The following SLC25A26 variants were observed in gnomAD, a reference collection of about 807,000 sequenced individuals.
SLC25A26 encodes the protein solute carrier family 25 member 26, also known as mitochondrial S-adenosylmethionine carrier protein.
SLC25A26 carries 36 observed loss-of-function variants against 37.8 expected under a neutral mutation model. The observed-to-expected ratio is 0.95, with a 90% CI of 0.73 to 1.26. The LOEUF (loss-of-function observed/expected upper bound fraction) is 1.26. Ranked by LOEUF, SLC25A26 falls within the 50% of genes most tolerant of loss-of-function variation. SLC25A26 has a pLI of 0.00. For missense variants in SLC25A26, 390 were observed against 331.1 expected (o/e 1.18, Z -1.38); for synonymous variants, 129 against 122.5 (o/e 1.05, Z -0.35).
intron 5 of SLC25A26, among the ~76,000 whole-genome samples, chr3:66,345,524 T>C (rs2076300564): frequency 1.4e-5 from 2 of 144,558 alleles, no homozygotes; most frequent in South Asian, 4.9e-4. Context: ...CCTGCTTTCT[T>C]TCCCCTCCTT....
At chr3:66,264,946 A>G (rs1366632096) in intron 5 of SLC25A26, among the ~76,000 whole-genome samples, 1 of 152,090 alleles carries the variant, frequency 6.6e-6, no homozygotes, top group East Asian at 1.9e-4. Flanking sequence ...CACATGGGAA[A>G]TTTTCTTTTG....
rs542920150 is a variant in SLC25A26, at chr3:66,243,270, G to A, written c.258G>A (p.Leu86=). The change falls in exon 3 of 10, where the codon TTG becomes TTA. Residue 86 remains leucine, a synonymous_variant. Coordinates refer to ENST00000354883, the MANE Select transcript of SLC25A26 (RefSeq NM_001379210.1). The part of the protein sequence containing the change: ...WFLHADSSSY[L]TPMKHMLAAS... The stretch of plus-strand genomic sequence containing the variant: ...TGCATGCTGATTCATCTTCATATTT[G>A]ACACCTATGAAACATATGTTGGCTG... 4 of 1,609,190 alleles carry A rather than the reference G, an allele frequency of 2.5e-6. No individual in the cohort carries two copies. Among genetic ancestry groups the A allele is most frequent in the African/African-American group, 2.7e-5 (2 of 74,972 alleles).
intron 6 of SLC25A26, among the ~76,000 whole-genome samples, chr3:66,351,559 T>C (rs1316659250): frequency 6.6e-6 from 1 of 152,114 alleles, no homozygotes; most frequent in Non-Finnish European, 1.5e-5. Flanking sequence ...CTTGCATGTT[T>C]ATAGCTCCAT....
intron 1 of SLC25A26, among the ~76,000 whole-genome samples, chr3:66,209,611 T>C (rs1430903951): frequency 7.4e-5 from 9 of 122,330 alleles, no homozygotes; most frequent in African/African-American, 1.1e-4. Context: ...GGTATATATA[T>C]ACACACCTAT....
At chr3:66,332,997 T>A (rs2076012423) in intron 5 of SLC25A26, among the ~76,000 whole-genome samples, 2 of 152,304 alleles carry the variant, frequency 1.3e-5, no homozygotes, top group East Asian at 3.9e-4. Flanking sequence ...TACTTTTCTC[T>A]TAGTATTTTG....
chr3:66,203,872 A>G (rs887588227), intron 1 of SLC25A26, among the ~76,000 whole-genome samples: 2 of 152,110 alleles, frequency 1.3e-5, no homozygotes, highest in South Asian at 4.1e-4. Flanking sequence ...TTATGTTTCT[A>G]CCTCCCTCAT....
At chr3:66,307,729 T>C (rs1239261299) in intron 5 of SLC25A26, among the ~76,000 whole-genome samples, 2 of 152,236 alleles carry the variant, frequency 1.3e-5, no homozygotes, top group African/African-American at 4.8e-5. Flanking sequence ...GCTAGCCAGT[T>C]TTCCCAACAC....
intron 1 of SLC25A26, among the ~76,000 whole-genome samples, chr3:66,181,111 T>C (rs1371681157): frequency 6.6e-6 from 1 of 152,236 alleles, no homozygotes; most frequent in African/African-American, 2.4e-5. Context: ...ATTTCTGTTC[T>C]TTAAGCTGCT....
chr3:66,360,897 AT>A (rs2076691678), intron 6 of SLC25A26, among the ~76,000 whole-genome samples: 1 of 152,230 alleles, frequency 6.6e-6, no homozygotes, highest in Non-Finnish European at 1.5e-5. Flanking sequence ...GGAATTGATA[AT>A]CAGATTGCAA....
chr3:66,156,311 C>G (rs1249931952), intron 1 of SLC25A26, among the ~76,000 whole-genome samples: 1 of 152,192 alleles, frequency 6.6e-6, no homozygotes, highest in Non-Finnish European at 1.5e-5. Context: ...GACAAGGATC[C>G]TGCCCTCCTG....
At chr3:66,150,369 G>A (rs2070181314) in intron 1 of SLC25A26, among the ~76,000 whole-genome samples, 2 of 150,226 alleles carry the variant, frequency 1.3e-5, no homozygotes, top group South Asian at 2.1e-4. Flanking sequence ...ATGCTGGTGG[G>A]CACCTGTAAT....
At chr3:66,141,243 C>T (rs2070029342) in intron 1 of SLC25A26, among the ~76,000 whole-genome samples, 1 of 151,202 alleles carries the variant, frequency 6.6e-6, no homozygotes, top group East Asian at 1.9e-4. Flanking sequence ...ATTACATGTA[C>T]ATCTTCAATA....
At position 66,273,737 on chromosome 3, in the gene SLC25A26, A is replaced by G. The variant is rs138514911; in HGVS notation, c.453+10358A>G. 3.2e-3 allele frequency among the ~76,000 whole-genome samples: 487 copies of G among 152,310 alleles called. 3 individuals carry two copies. The highest frequency in any genetic ancestry group is 0.017 in the East Asian group (87 of 5,188). The stretch of plus-strand genomic sequence containing the variant: ...AAGGAGAACTACAAAGCACTGCTCA[A>G]TGAAATAAAAGAGGATACAAACGAA... On this transcript the variant is annotated intron_variant, in intron 5 of 9. Transcript: ENST00000354883.
chr3:66,178,579 G>C (rs1324226469), intron 1 of SLC25A26, among the ~76,000 whole-genome samples: 1 of 152,068 alleles, frequency 6.6e-6, no homozygotes, highest in Non-Finnish European at 1.5e-5. Context: ...TCTCCTGATA[G>C]ACTAAGAGCA....
At chr3:66,340,705 C>T (rs1015888338) in intron 5 of SLC25A26, among the ~76,000 whole-genome samples, 4 of 151,984 alleles carry the variant, frequency 2.6e-5, no homozygotes, top group East Asian at 1.9e-4. Context: ...TTTATCCTTA[C>T]GCCTTGTTAC....
intron 5 of SLC25A26, among the ~76,000 whole-genome samples, chr3:66,315,103 G>T: frequency 3.0e-5 from 4 of 134,614 alleles, no homozygotes; most frequent in East Asian, 2.3e-4. Flanking sequence ...TTTTTGAAGG[G>T]TTTTTCATGT....
chr3:66,360,719 T>A (rs1262972877), intron 6 of SLC25A26, among the ~76,000 whole-genome samples: 2 of 152,230 alleles, frequency 1.3e-5, no homozygotes, highest in East Asian at 3.8e-4. Flanking sequence ...AAGACCTGTA[T>A]ACTGAAAACT....
At chr3:66,176,081 A>T (rs2070582273) in intron 1 of SLC25A26, among the ~76,000 whole-genome samples, 1 of 152,110 alleles carries the variant, frequency 6.6e-6, no homozygotes. Context: ...CTTGAACATG[A>T]TGTTTGGAAA....
intron 5 of SLC25A26, among the ~76,000 whole-genome samples, chr3:66,263,938 G>A (rs895054435): frequency 2.6e-5 from 4 of 152,012 alleles, no homozygotes; most frequent in Admixed American, 6.5e-5. Context: ...GATTACAGGC[G>A]TGAGTCGCCG....
Sources: allele counts gnomAD v4.1 joint callset (sites outside exome capture counted in the v4.1 genomes callset), GRCh38; gene constraint gnomAD v4.1.1; transcripts MANE v1.5; gene names NCBI Gene and HGNC (gene_info 2026-07-23, HGNC 2026-07-21).